Variants in TSNARE1 observed in about 807,000 individuals in gnomAD.
TSNARE1 encodes the protein t-SNARE domain-containing protein 1.
A neutral mutation model predicts 62.0 loss-of-function variants in TSNARE1; 49 were observed. The observed-to-expected ratio is 0.79, with a 90% CI of 0.63 to 1.00. TSNARE1 has a LOEUF of 1.00. Ranked by LOEUF, TSNARE1 falls within the 50% of genes least tolerant of loss-of-function variation. The probability of loss-of-function intolerance (pLI) is 0.00; values close to 1 mark genes in which losing one functional copy is unlikely to be tolerated. For synonymous variants in TSNARE1, 328 were observed against 294.4 expected, an observed-to-expected ratio of 1.11 and a Z score of -1.17; for missense variants, 755 against 700.1, an observed-to-expected ratio of 1.08 and a Z score of -0.88.
intron 4 of TSNARE1, among the ~76,000 whole-genome samples, chr8:142,340,869 C>A (rs1832495625): frequency 6.6e-6 from 1 of 152,268 alleles, no homozygotes; most frequent in South Asian, 2.1e-4. Flanking sequence ...CGTGCCTAGA[C>A]ACCTCCCTGG....
upstream of TSNARE1, chr8:142,404,793 G>C (rs950457797): frequency 1.3e-5 from 2 of 152,296 alleles, no homozygotes; most frequent in African/African-American, 4.8e-5. Context: ...AGGATGCCGG[G>C]TGCCTGGCAC....
intron 1 of TSNARE1, among the ~76,000 whole-genome samples, chr8:142,398,319 CAGCCCTGCCCAAAACACACCCCT>C (rs1838046441): frequency 6.6e-6 from 1 of 150,824 alleles, no homozygotes; most frequent in Non-Finnish European, 1.5e-5. Context: ...AACACACCCC[CAGCCCTGCCCAAAACACACCCCT>C]AGCCCTGCCC....
At chr8:142,347,652 C>T (rs932787751) in intron 2 of TSNARE1, among the ~76,000 whole-genome samples, 2 of 151,858 alleles carry the variant, frequency 1.3e-5, no homozygotes, top group Admixed American at 6.6e-5. Context: ...GCCATCACCT[C>T]GCCACACTGC....
intron 6 of TSNARE1, among the ~76,000 whole-genome samples, chr8:142,327,933 A>T (rs1389514980): frequency 6.6e-6 from 1 of 151,716 alleles, no homozygotes; most frequent in Non-Finnish European, 1.5e-5. Flanking sequence ...AGCCACCTCT[A>T]ATGCATCCCC....
At chr8:142,220,637 G>A (rs7460104) in intron 13 of TSNARE1, among the ~76,000 whole-genome samples, 136,224 of 152,128 alleles carry the variant, frequency 0.9, 61,069 homozygotes, top group Non-Finnish European at 0.92. Flanking sequence ...GGGCATCTAC[G>A]TTATCTCTCA....
In TSNARE1 at chr8:142,225,225, C is replaced by T. The variant is rs1025962578; in HGVS notation, c.*11+4248G>A. On this transcript the variant is annotated intron_variant, in intron 13 of 13. Transcript: ENST00000524325. ...CCCTCACTCCCACCCTCCACGGCTTCGCCTGCCCTTGGAATACTCCACACT... is the reference window on the plus strand; with the variant it reads ...CCCTCACTCCCACCCTCCACGGCTTTGCCTGCCCTTGGAATACTCCACACT... Among the ~76,000 whole-genome samples the T allele has an allele frequency of 3.3e-5, 5 of 150,562 alleles. No individual in the cohort carries two copies. In the East Asian group the frequency reaches 1.0e-3, roughly 30 times the overall value.
chr8:142,329,272 G>T (rs765325946), intron 6 of TSNARE1, among the ~76,000 whole-genome samples: 2 of 152,186 alleles, frequency 1.3e-5, no homozygotes, highest in African/African-American at 2.4e-5. Flanking sequence ...AGCTAAGGCC[G>T]GCCCAGGGGA....
chr8:142,331,016 T>C (rs34722595), intron 5 of TSNARE1, 46 bp from the exon 6 acceptor site: 295,315 of 1,573,270 alleles, frequency 0.19, 29,415 homozygotes, highest in African/African-American at 0.33. Context: ...GGAGCTTCCC[T>C]GCCCCCTGCT....
chr8:142,226,659 ATGGGGTCAC>A lies in TSNARE1; in HGVS notation c.*11+2805_*11+2813del, dbSNP rs201596758. Among the ~76,000 whole-genome samples, 457 of 152,262 alleles carry A rather than the reference ATGGGGTCAC, an allele frequency of 3.0e-3. 4 individuals carry two copies. Among genetic ancestry groups the A allele is most frequent in the African/African-American group, 0.01 (436 of 41,540 alleles). ...TCTGGAGTCCTGGGGGGCTGGAGGAATGGGGTCACTGCCCCAAGCCCAGGCTTAATAGAG... is the reference window on the plus strand; with the variant it reads ...TCTGGAGTCCTGGGGGGCTGGAGGAATGCCCCAAGCCCAGGCTTAATAGAG... On this transcript the variant is annotated intron_variant, in intron 13 of 13. Transcript: ENST00000524325.
At chr8:142,218,359 T>C (rs1450530887) in intron 13 of TSNARE1, among the ~76,000 whole-genome samples, 1 of 151,458 alleles carries the variant, frequency 6.6e-6, no homozygotes, top group Non-Finnish European at 1.5e-5. Flanking sequence ...GAGCTGCCTG[T>C]TGAGGCACCA....
At chr8:142,326,623 G>A (rs533349753) in intron 6 of TSNARE1, among the ~76,000 whole-genome samples, 70 of 140,026 alleles carry the variant, frequency 5.0e-4, no homozygotes, top group Admixed American at 2.6e-3. Flanking sequence ...GAGGGGCCCC[G>A]GAGAGCATGA....
chr8:142,286,343 T>C (rs1308092752), intron 10 of TSNARE1, among the ~76,000 whole-genome samples: 1 of 152,142 alleles, frequency 6.6e-6, no homozygotes, highest in Non-Finnish European at 1.5e-5. Flanking sequence ...CACTGCAAAA[T>C]GTTACAAGGG....
At chr8:142,275,295 G>A in intron 11 of TSNARE1, 1 of 985,464 alleles carries the variant, frequency 1.0e-6, no homozygotes, top group Non-Finnish European at 1.2e-6. Flanking sequence ...GGCTGATGGA[G>A]ACCGGGTCTG....
At chr8:142,295,350 C>A (rs958498800) in intron 10 of TSNARE1, among the ~76,000 whole-genome samples, 4 of 152,236 alleles carry the variant, frequency 2.6e-5, no homozygotes, top group Non-Finnish European at 5.9e-5. Context: ...GTGGCCTCCC[C>A]CACTGGGAAG....
intron 13 of TSNARE1, among the ~76,000 whole-genome samples, chr8:142,219,560 C>G (rs1440105168): frequency 6.6e-6 from 1 of 152,204 alleles, no homozygotes; most frequent in African/African-American, 2.4e-5. Context: ...CCATGGGCCA[C>G]AGGGATGAGG....
chr8:142,371,289 A>G (rs1835893493), intron 1 of TSNARE1, among the ~76,000 whole-genome samples: 3 of 152,200 alleles, frequency 2.0e-5, no homozygotes, highest in South Asian at 4.1e-4. Flanking sequence ...CCAAATACAT[A>G]AACTCTTCCA....
intron 12 of TSNARE1, chr8:142,273,966 T>C: frequency 1.0e-6 from 1 of 985,068 alleles, no homozygotes; most frequent in Non-Finnish European, 1.2e-6. Context: ...CACTGCACCA[T>C]CTCGTCTGCC....
At chr8:142,325,178 C>T (rs1252063288) in intron 6 of TSNARE1, among the ~76,000 whole-genome samples, 3 of 152,200 alleles carry the variant, frequency 2.0e-5, no homozygotes, top group Non-Finnish European at 4.4e-5. Flanking sequence ...GTGAGGCCGG[C>T]AGAGGGCAGC....
chr8:142,302,761 G>T (rs904828642), intron 9 of TSNARE1, among the ~76,000 whole-genome samples: 20 of 152,264 alleles, frequency 1.3e-4, no homozygotes, highest in African/African-American at 4.6e-4. Flanking sequence ...ATGAGATCTG[G>T]GTGCAATGTG....
Sources: gnomAD v4.1 joint callset for allele counts (sites outside exome capture counted in the v4.1 genomes callset) on GRCh38, gnomAD v4.1.1 for gene constraint, MANE v1.5 for transcripts, NCBI Gene and HGNC (gene_info 2026-07-23, HGNC 2026-07-21) for gene names.